FGF1: variants seen among roughly 807,000 people sequenced by gnomAD.
FGF1 encodes the protein beta-endothelial cell growth factor.
In FGF1, 9 loss-of-function variants were observed where a neutral mutation model predicts 13.4. The observed-to-expected ratio is 0.67, with a 90% CI of 0.40 to 1.17. The LOEUF (loss-of-function observed/expected upper bound fraction) is 1.17. FGF1 is among the 50% of genes most tolerant of loss of function. FGF1 has a pLI of 0.01. For synonymous variants in FGF1, 93 were observed against 79.0 expected, an observed-to-expected ratio of 1.18 and a Z score of -0.94; for missense variants, 156 against 192.7, an observed-to-expected ratio of 0.81 and a Z score of 1.13.
chr5:142,634,886 T>C (rs17223451), intron 1 of FGF1, among the ~76,000 whole-genome samples: 2,429 of 152,046 alleles, frequency 0.016, 39 homozygotes, highest in South Asian at 0.056. Context: ...TTTTTTTTTT[T>C]CCACGACTCC....
chr5:142,619,269 C>A (rs137927289), intron 1 of FGF1, among the ~76,000 whole-genome samples: 1 of 152,100 alleles, frequency 6.6e-6, no homozygotes, highest in Non-Finnish European at 1.5e-5. Context: ...ACTGTGTAAG[C>A]AATGTGGAAT....
intron 1 of FGF1, among the ~76,000 whole-genome samples, chr5:142,642,660 C>A (rs1281379978): frequency 6.6e-6 from 1 of 152,232 alleles, no homozygotes; most frequent in African/African-American, 2.4e-5. Flanking sequence ...CTGGCTTGAG[C>A]CACGTGGGCT....
At chr5:142,607,606 G>C (rs1286147073) in intron 2 of FGF1, among the ~76,000 whole-genome samples, 1 of 152,186 alleles carries the variant, frequency 6.6e-6, no homozygotes, top group East Asian at 1.9e-4. Context: ...AAATGTACGG[G>C]AAGAGGGCTG....
intron 1 of FGF1, among the ~76,000 whole-genome samples, chr5:142,645,449 G>A (rs779296571): frequency 1.9e-4 from 29 of 152,140 alleles, no homozygotes; most frequent in Non-Finnish European, 3.2e-4. Flanking sequence ...GAGAACCTGG[G>A]CTTTGGCATC....
intron 1 of FGF1, among the ~76,000 whole-genome samples, chr5:142,653,429 A>G (rs1767610715): frequency 6.6e-6 from 1 of 152,182 alleles, no homozygotes; most frequent in Non-Finnish European, 1.5e-5. Flanking sequence ...ACCAGATGCT[A>G]CATGGGGTCC....
chr5:142,696,869 T>C (rs1426687208), intron 2 of FGF1, among the ~76,000 whole-genome samples: 1 of 152,218 alleles, frequency 6.6e-6, no homozygotes, highest in Non-Finnish European at 1.5e-5. Flanking sequence ...TTGTAGTCCA[T>C]AGCCCAGGGG....
intron 3 of FGF1, 143 bp from the exon 4 acceptor site, chr5:142,595,627 G>A (rs907117102): frequency 1.5e-5 from 10 of 672,182 alleles, no homozygotes; most frequent in Admixed American, 2.9e-5. Context: ...TGGGGTCATG[G>A]TGGAACTTAT....
chr5:142,618,932 T>A (rs923726326), intron 1 of FGF1, among the ~76,000 whole-genome samples: 1 of 115,924 alleles, frequency 8.6e-6, no homozygotes, highest in East Asian at 2.6e-4. Context: ...TTGTTTTGTT[T>A]TTTTTTTTTT....
chr5:142,626,653 T>A (rs1762508805), intron 1 of FGF1: 1 of 152,214 alleles, frequency 6.6e-6, no homozygotes, highest in African/African-American at 2.4e-5. Context: ...TGCAAGTTCC[T>A]CCCCTGATGG....
At chr5:142,634,908 TAACA>T (rs113109709) in intron 1 of FGF1, among the ~76,000 whole-genome samples, 3 of 151,848 alleles carry the variant, frequency 2.0e-5, no homozygotes, top group South Asian at 2.1e-4. Flanking sequence ...TGTAACAAAG[TAACA>T]AACAGTCAGG....
intron 1 of FGF1, among the ~76,000 whole-genome samples, chr5:142,630,024 G>A (rs1763111186): frequency 6.6e-6 from 1 of 151,716 alleles, no homozygotes; most frequent in South Asian, 2.1e-4. Context: ...TTTCTGAGTA[G>A]CTGAGATTAC....
chr5:142,648,968 C>T (rs115192411), intron 1 of FGF1, among the ~76,000 whole-genome samples: 1,985 of 152,138 alleles, frequency 0.013, 49 homozygotes, highest in African/African-American at 0.044. Flanking sequence ...AGCAGGACGG[C>T]CGAGAGAGGA....
At chr5:142,681,223 T>C (rs981379386) in intron 1 of FGF1, among the ~76,000 whole-genome samples, 22 of 152,228 alleles carry the variant, frequency 1.4e-4, no homozygotes, top group African/African-American at 4.6e-4. Context: ...TTTAGAGGGA[T>C]TGCATTGGCA....
chr5:142,665,959 C>G (rs1356192411), intron 1 of FGF1, among the ~76,000 whole-genome samples: 3 of 152,126 alleles, frequency 2.0e-5, no homozygotes, highest in Non-Finnish European at 4.4e-5. Flanking sequence ...CTGGCAAACC[C>G]TTCTTTTTTC....
chr5:142,600,568 G>T (rs1000711086), intron 3 of FGF1, 134 bp downstream of exon 3: 10 of 694,536 alleles, frequency 1.4e-5, no homozygotes, highest in Non-Finnish European at 2.6e-5. Context: ...GCAGAGTGAG[G>T]GTGGGAATCC....
At chr5:142,627,648 C>T (rs181990936) in intron 1 of FGF1, among the ~76,000 whole-genome samples, 7 of 152,292 alleles carry the variant, frequency 4.6e-5, no homozygotes, top group Admixed American at 6.5e-5. Context: ...CCAAGCACCA[C>T]GCAGGAAGCA....
intron 1 of FGF1, among the ~76,000 whole-genome samples, chr5:142,663,919 A>G (rs1378191723): frequency 1.3e-5 from 2 of 152,212 alleles, no homozygotes; most frequent in Non-Finnish European, 2.9e-5. Flanking sequence ...GTTCAGCGTC[A>G]GGGATGATGC....
chr5:142,679,073 T>G (rs1020416256), intron 1 of FGF1, among the ~76,000 whole-genome samples: 3 of 152,136 alleles, frequency 2.0e-5, no homozygotes, highest in Non-Finnish European at 2.9e-5. Flanking sequence ...TTCCCTTCGT[T>G]GAAATGAGAG....
chr5:142,689,629 C>A (rs1195842633), upstream of FGF1, among the ~76,000 whole-genome samples: 2 of 151,238 alleles, frequency 1.3e-5, no homozygotes, highest in South Asian at 2.1e-4. Flanking sequence ...CCCATGAGAG[C>A]TGGGTTTCCT....
Sources: allele counts gnomAD v4.1 joint callset (sites outside exome capture counted in the v4.1 genomes callset), GRCh38; gene constraint gnomAD v4.1.1; transcripts MANE v1.5; gene names NCBI Gene and HGNC (gene_info 2026-07-23, HGNC 2026-07-21).